Variants in ITGB4 observed in about 807,000 individuals in gnomAD.
The protein encoded by ITGB4 is integrin beta-4.
A neutral mutation model predicts 207.6 loss-of-function variants in ITGB4; 159 were observed. The ratio of observed to expected loss-of-function variants is 0.77; its 90% CI spans 0.67 to 0.87. ITGB4 has a LOEUF of 0.87. Ranked by LOEUF, ITGB4 falls within the 40% of genes least tolerant of loss-of-function variation. ITGB4 has a pLI of 0.00. For synonymous variants in ITGB4, 1,020 were observed against 1,062.7 expected, an observed-to-expected ratio of 0.96 and a Z score of 0.78; for missense variants, 2,278 against 2,546.8, an observed-to-expected ratio of 0.89 and a Z score of 2.27.
chr17:75,757,676 C>T lies in ITGB4; in HGVS notation c.*121C>T, dbSNP rs1433415056. 1.4e-6 allele frequency: 2 copies of T among 1,383,944 alleles called. No homozygotes were observed. The highest frequency in any genetic ancestry group is 1.0e-6 in the Non-Finnish European group (1 of 980,342). The allele number at this position is 1,383,944 out of a possible 1,614,324, so 85.7% of individuals were successfully genotyped here. On this transcript the variant is annotated 3_prime_UTR_variant, in exon 40 of 40. Coordinates refer to ENST00000200181, the MANE Select transcript of ITGB4 (RefSeq NM_000213.5). ...GCCCAGCCCACCCGCATGCACAGAG[C>T]AGGGGCTAGGTGTCTCCTGGGAGGC...
chr17:75,755,408 G>A (rs1001829046), intron 34 of ITGB4, among the ~76,000 whole-genome samples: 2 of 152,142 alleles, frequency 1.3e-5, no homozygotes, highest in African/African-American at 2.4e-5. Context: ...CCCAGGGGGC[G>A]GGGCTGGGGC....
In ITGB4 at chr17:75,729,288, G is replaced by C. The variant is rs1481990479; in HGVS notation, c.590G>C (p.Ser197Thr). The stretch of plus-strand genomic sequence containing the variant: ...AGGCTGAAGGAGCCCTGGCCCAACA[G>C]TGACCCCCCCTTCTCCTTCAAGAAC... ...PEKLKEPWPNSDPPFSFKNVI... is the reference protein window; with the variant it reads ...PEKLKEPWPNTDPPFSFKNVI... Residue 197 changes from serine to threonine, a missense_variant, in exon 7 of 40, where the codon AGT becomes ACT. Physicochemically the swap from Ser to Thr is moderately conservative, Grantham distance 58. Transcript: ENST00000200181. This position sits in a 1 kb window ranked among gnomAD's most constrained non-coding sequence, Gnocchi z 4.4. 1 of 1,614,094 alleles carries C rather than the reference G, an allele frequency of 6.2e-7. No individual in the cohort carries two copies. Among genetic ancestry groups the C allele is most frequent in the South Asian group, 1.1e-5 (1 of 91,080 alleles).
rs2061330004 is a variant in ITGB4, at chr17:75,750,004, G to A, written c.3317-107G>A. 1.4e-6 allele frequency: 2 copies of A among 1,414,482 alleles called. No individual in the cohort carries two copies. Among genetic ancestry groups the A allele is most frequent in the African/African-American group, 2.8e-5 (2 of 71,242 alleles). The allele number at this position is 1,414,482 out of a possible 1,614,324, so 87.6% of individuals were successfully genotyped here. A position where few individuals can be genotyped will look rare whatever the true frequency, so the allele number is the denominator to read the frequency against. On this transcript the variant is annotated intron_variant, in intron 27 of 39. Coordinates refer to ENST00000200181, the MANE Select transcript of ITGB4 (RefSeq NM_000213.5). This position sits in a 1 kb window ranked among gnomAD's most constrained non-coding sequence, Gnocchi z 5.5. ...CAGAGACGCGGGTGGGCAGGTCTGA[G>A]TTGAATGCGCTGGGTAGAGCGCCCT...
rs375790655 is a variant in ITGB4 at position 75,732,198 on chromosome 17, C to T, written c.1413C>T (p.Asn471=). The stretch of plus-strand genomic sequence containing the variant: ...TGCGGTCAGCTCGCTGCAGCTTCAA[C>T]GGAGACTTCGTGTGCGGACAGTGTG... ...KEVRSARCSF[N]GDFVCGQCVC... is the part of the protein sequence containing the mutation. The change falls in exon 12 of 40, where the codon AAC becomes AAT. Residue 471 remains asparagine (N), a synonymous_variant. Transcript: ENST00000200181. The surrounding 1 kb of genome is among the most constrained non-coding windows in gnomAD (Gnocchi z 5.3). The T allele has an allele frequency of 5.4e-5, 87 of 1,613,984 alleles. No homozygotes were observed. Among genetic ancestry groups the T allele is most frequent in the South Asian group, 1.3e-4 (12 of 91,092 alleles).
rs1256865158 is a variant in ITGB4, at chr17:75,732,000, G to T, written c.1377+27G>T. ...TACAACGCAGCCCCGCAGGGCGGGA[G>T]GGGAGAGCTGAGCCAAGCACCCAGG... On this transcript the variant is annotated intron_variant, in intron 11 of 39. Coordinates refer to ENST00000200181, the MANE Select transcript of ITGB4 (RefSeq NM_000213.5). This position sits in a 1 kb window ranked among gnomAD's most constrained non-coding sequence, Gnocchi z 6.8. 1.9e-6 allele frequency: 3 copies of T among 1,613,768 alleles called. No homozygotes were observed. Among genetic ancestry groups the T allele is most frequent in the Non-Finnish European group, 2.5e-6 (3 of 1,179,990 alleles).
intron 2 of ITGB4, among the ~76,000 whole-genome samples, chr17:75,725,507 T>A (rs1275581571): frequency 6.6e-6 from 1 of 152,078 alleles, no homozygotes; most frequent in East Asian, 1.9e-4. Context: ...GTAGAGACAG[T>A]CTCACTATGT....
intron 2 of ITGB4, among the ~76,000 whole-genome samples, chr17:75,726,419 G>C (rs995280160): frequency 1.4e-5 from 2 of 141,948 alleles, no homozygotes; most frequent in Non-Finnish European, 3.1e-5. Context: ...CAGCAAGACC[G>C]TATCTCAAAA....
rs1368167578 is a variant in ITGB4 at position 75,741,522 on chromosome 17, T to C, written c.2633+517T>C. ...AGCACATGACCATCAGTAAGAACCG[T>C]TGGCTGTGCGTGGTGGCTCACACCT... On this transcript the variant is annotated intron_variant, in intron 23 of 39. Transcript: ENST00000200181. Among the ~76,000 whole-genome samples the C allele has an allele frequency of 3.3e-5, 5 of 152,112 alleles. No homozygotes were observed. In the East Asian group the frequency reaches 5.8e-4, roughly 18 times the overall value.
chr17:75,733,392 A>G (rs1007893491), intron 12 of ITGB4, 98 bp from the exon 13 acceptor site: 11 of 1,071,132 alleles, frequency 1.0e-5, no homozygotes, highest in Non-Finnish European at 1.4e-5. Flanking sequence ...TCTCAAAAAA[A>G]AAAATAAAAT....
rs576971000 is a variant in ITGB4 at position 75,737,906 on chromosome 17, C to T, written c.2220+262C>T. Among the ~76,000 whole-genome samples, 304 of 151,888 alleles carry T rather than the reference C, an allele frequency of 2.0e-3. 1 individual carries two copies. Among genetic ancestry groups the T allele is most frequent in the African/African-American group, 6.8e-3 (281 of 41,380 alleles). On this transcript the variant is annotated intron_variant, in intron 18 of 39. Coordinates refer to ENST00000200181, the MANE Select transcript of ITGB4 (RefSeq NM_000213.5). The stretch of plus-strand genomic sequence containing the variant: ...GGTCCCCTCTCTGACAGGGTCTCCA[C>T]CCTCCATCAGGGTCCTCCTCAGGGT...
chr17:75,722,423 G>A lies in ITGB4; in HGVS notation c.-11+811G>A, dbSNP rs918638416. 2.0e-5 allele frequency among the ~76,000 whole-genome samples: 3 copies of A among 152,214 alleles called. No individual in the cohort carries two copies. Among genetic ancestry groups the A allele is most frequent in the African/African-American group, 7.2e-5 (3 of 41,452 alleles). Reference sequence around the variant, plus strand: ...CCCTGAGGACAAGGACCAGGCACAGGTGGCATGGTTGTTGCTGTCCGAAAC... The same window carrying A: ...CCCTGAGGACAAGGACCAGGCACAGATGGCATGGTTGTTGCTGTCCGAAAC... On this transcript the variant is annotated intron_variant, in intron 1 of 39. Coordinates refer to ENST00000200181, the MANE Select transcript of ITGB4 (RefSeq NM_000213.5). The surrounding 1 kb of genome is among the most constrained non-coding windows in gnomAD (Gnocchi z 6.2).
In ITGB4 at chr17:75,721,611, G is replaced by A. The variant is rs1798536525; in HGVS notation, c.-12G>A. ...GCAGCAGCCGAGGCTGGCCGGGAGA[G>A]GGTGAGTGCCCGCCCCAGCTGGGCA... is the stretch of plus-strand genomic sequence containing the variant. On this transcript the variant is annotated splice_region_variant and 5_prime_UTR_variant, in exon 1 of 40. Transcript: ENST00000200181. 1 of 152,548 alleles carries A rather than the reference G, an allele frequency of 6.6e-6. No homozygotes were observed. The highest frequency in any genetic ancestry group is 2.4e-5 in the African/African-American group (1 of 41,464). 9.4% of individuals were successfully genotyped at this position (152,548 alleles called of 1,614,324 possible). A position where few individuals can be genotyped will look rare whatever the true frequency, so the allele number is the denominator to read the frequency against.
At chr17:75,757,161 C>T (rs2061533559) in intron 38 of ITGB4, 39 bp from the exon 39 acceptor site, 1 of 1,612,704 alleles carries the variant, frequency 6.2e-7, no homozygotes, top group South Asian at 1.1e-5. Context: ...GTGCCTCCTT[C>T]TGGCACCACC....
intron 30 of ITGB4, chr17:75,751,876 C>G: frequency 2.1e-6 from 1 of 482,432 alleles, no homozygotes; most frequent in South Asian, 2.0e-5. Context: ...GTGCCCTTGC[C>G]TTGTGTGGAG....
chr17:75,731,713 A>T lies in ITGB4; in HGVS notation c.1216-99A>T, dbSNP rs2060862401. The T allele has an allele frequency of 1.5e-6, 2 of 1,315,344 alleles. No homozygotes were observed. The highest frequency in any genetic ancestry group is 2.0e-6 in the Non-Finnish European group (2 of 975,702). 81.5% of individuals were successfully genotyped at this position (1,315,344 alleles called of 1,614,324 possible). On this transcript the variant is annotated intron_variant, in intron 10 of 39. Transcript: ENST00000200181. This position sits in a 1 kb window ranked among gnomAD's most constrained non-coding sequence, Gnocchi z 6.8. Reference sequence around the variant, plus strand: ...GCAGGAGCTCATTTCAGGGATCCAGACATCTCCTAGGAACTTGGGGGCCGA... The same window carrying T: ...GCAGGAGCTCATTTCAGGGATCCAGTCATCTCCTAGGAACTTGGGGGCCGA...
intron 13 of ITGB4, among the ~76,000 whole-genome samples, 176 bp downstream of exon 13, chr17:75,733,868 G>A (rs1442109942): frequency 2.0e-5 from 3 of 152,198 alleles, no homozygotes; most frequent in Admixed American, 6.6e-5. Context: ...CCCAACCTGG[G>A]CCTGACTTCC....
rs375136714 is a variant in ITGB4 at position 75,729,425 on chromosome 17, G to A, written c.727G>A (p.Ala243Thr). 21 of 1,613,910 alleles carry A rather than the reference G, an allele frequency of 1.3e-5. No homozygotes were observed. Among genetic ancestry groups the A allele is most frequent in the African/African-American group, 2.7e-5 (2 of 74,938 alleles). ...CGGCTTCGATGCCATCCTGCAGACAGCTGTGTGCACGGTGGGCACTGGGAA... is the reference window on the plus strand; with the variant it reads ...CGGCTTCGATGCCATCCTGCAGACAACTGTGTGCACGGTGGGCACTGGGAA... Reference protein sequence around the residue: ...EGGFDAILQTAVCTRDIGWRP... With the variant: ...EGGFDAILQTTVCTRDIGWRP... The change falls in exon 7 of 40, where the codon GCT becomes ACT. Residue 243 changes from alanine (A) to threonine (T), a missense_variant. Transcript: ENST00000200181. The surrounding 1 kb of genome is among the most constrained non-coding windows in gnomAD (Gnocchi z 4.4).
rs886053418 is a variant in ITGB4, at chr17:75,756,869, A to G, written c.5053+10A>G. The G allele has an allele frequency of 4.3e-6, 7 of 1,611,890 alleles. No individual in the cohort carries two copies. Among genetic ancestry groups the G allele is most frequent in the Middle Eastern group, 1.8e-4 (1 of 5,588 alleles). On this transcript the variant is annotated intron_variant, in intron 37 of 39. Coordinates refer to ENST00000200181, the MANE Select transcript of ITGB4 (RefSeq NM_000213.5). ...ATGGCCCAAGGAGGAGGTGCTGCCC[A>G]CCCCGGGGGCAGGAGTGGCCAGGGG...
In ITGB4 at chr17:75,751,047, G is replaced by A. The variant is rs61735289; in HGVS notation, c.3729G>A (p.Pro1243=). 54,439 of 1,613,858 alleles carry A rather than the reference G, an allele frequency of 0.034. 1,125 individuals are homozygous for A. Among genetic ancestry groups the A allele is most frequent in the Non-Finnish European group, 0.037 (43,827 of 1,179,988 alleles). ...STVTQLSWAE[P]AETNGEITAY... is the part of the protein sequence containing the mutation. ...TGACCCAGCTGAGCTGGGCTGAGCC[G>A]GCTGAGACCAACGGTGAGATCACAG... The change falls in exon 30 of 40, where the codon CCG becomes CCA. Residue 1243 remains proline, a synonymous_variant. Transcript: ENST00000200181.
Sources: gnomAD v4.1 joint callset for allele counts (sites outside exome capture counted in the v4.1 genomes callset) on GRCh38, gnomAD v4.1.1 for gene constraint, Gnocchi (gnomAD v3.1) non-coding constraint, MANE v1.5 for transcripts, NCBI Gene and HGNC (gene_info 2026-07-23, HGNC 2026-07-21) for gene names.